Variants in CFH observed in about 807,000 individuals in gnomAD.
CFH encodes H factor 1 (complement).
A neutral mutation model predicts 147.3 loss-of-function variants in CFH; 53 were observed. The ratio of observed to expected loss-of-function variants is 0.36; its 90% CI spans 0.29 to 0.45. CFH has a LOEUF of 0.45. CFH is among the 20% of genes least tolerant of loss of function. CFH has a pLI of 1.00. For synonymous variants in CFH, 536 were observed against 489.4 expected (o/e 1.10, Z -1.26); for missense variants, 1,380 against 1,498.0 (o/e 0.92, Z 1.30).
intron 11 of CFH, among the ~76,000 whole-genome samples, chr1:196,721,724 T>C (rs1011621928): frequency 1.3e-5 from 2 of 152,010 alleles, no homozygotes; most frequent in Non-Finnish European, 2.9e-5. Context: ...ATTTCATTTA[T>C]GAATCTGAGT....
rs1170326726 is a variant in CFH, at chr1:196,688,278, T to C, written c.965-1142T>C. Reference sequence around the variant, plus strand: ...ATAAACAAGATAGCACTCAAATGTATTTGTCAAAATTAATATATAATAACT... The same window carrying C: ...ATAAACAAGATAGCACTCAAATGTACTTGTCAAAATTAATATATAATAACT... On this transcript the variant is annotated intron_variant, in intron 7 of 21. Transcript: ENST00000367429. Among the ~76,000 whole-genome samples the C allele has an allele frequency of 2.0e-5, 3 of 152,022 alleles. No homozygotes were observed. The South Asian group carries it at 6.2e-4, about 31-fold the overall frequency.
intron 1 of CFH, among the ~76,000 whole-genome samples, chr1:196,654,486 G>T (rs1159636475): frequency 6.6e-6 from 1 of 151,864 alleles, no homozygotes; most frequent in East Asian, 1.9e-4. Context: ...CTAAGAATTG[G>T]GTCAGATTTA....
chr1:196,696,933 G>T (rs1668292668), intron 9 of CFH, among the ~76,000 whole-genome samples: 2 of 152,128 alleles, frequency 1.3e-5, no homozygotes, highest in African/African-American at 4.8e-5. Context: ...AAATGGTGCT[G>T]GGAAAACAGG....
intron 1 of CFH, among the ~76,000 whole-genome samples, 175 bp from the exon 2 acceptor site, chr1:196,672,803 C>T (rs1455963498): frequency 6.6e-6 from 1 of 151,900 alleles, no homozygotes; most frequent in Non-Finnish European, 1.5e-5. Flanking sequence ...AGTTACACTA[C>T]ATGCATGAAA....
Position 196,652,103 on chromosome 1 carries a change from T to C in CFH, c.-15T>C, listed in dbSNP as rs762641040. ...CAGAGTTAGCTGGTAAATGTCCTCT[T>C]AAAAGATCCAAAAAATGAGACTTCT... is the stretch of plus-strand genomic sequence containing the variant. On this transcript the variant is annotated 5_prime_UTR_variant, in exon 1 of 22. It removes the in-frame stop codon of an upstream open reading frame in the 5' UTR. Transcript: ENST00000367429. 3.8e-6 allele frequency: 6 copies of C among 1,595,708 alleles called. No individual in the cohort carries two copies. The highest frequency in any genetic ancestry group is 3.3e-5 in the Admixed American group (2 of 59,956).
intron 6 of CFH, among the ~76,000 whole-genome samples, chr1:196,683,602 G>T (rs533457604): frequency 6.6e-6 from 1 of 151,820 alleles, no homozygotes; most frequent in African/African-American, 2.4e-5. Context: ...TAAGAGTGTG[G>T]TTGATAAGGT....
intron 9 of CFH, chr1:196,701,703 A>T (rs867521657): frequency 8.2e-6 from 2 of 242,906 alleles, no homozygotes; most frequent in Middle Eastern, 1.5e-3. Context: ...CCCCCTTTCC[A>T]CTGGGACAGA....
At position 196,679,476 on chromosome 1, in the gene CFH, T is replaced by C. The variant is rs1464684678; in HGVS notation, c.620-147T>C. On this transcript the variant is annotated intron_variant, in intron 5 of 21. Transcript: ENST00000367429. ...TTTAACTTTCTTCAGATAAATCATT[T>C]ATTAAGCGGTCAAGTCAAAACAGAA... 8.9e-6 allele frequency: 5 copies of C among 560,774 alleles called. 1 individual carries two copies. Among genetic ancestry groups the C allele is most frequent in the Non-Finnish European group, 9.6e-6 (3 of 313,376 alleles). The allele number at this position is 560,774 out of a possible 1,614,324, so 34.7% of individuals were successfully genotyped here. A position where few individuals can be genotyped will look rare whatever the true frequency, so the allele number is the denominator to read the frequency against.
chr1:196,715,463 G>A, intron 10 of CFH, 130 bp from the exon 11 acceptor site: 1 of 699,446 alleles, frequency 1.4e-6, no homozygotes, highest in Non-Finnish European at 2.5e-6. Context: ...ACCAGTCATA[G>A]ATTATTTTTG....
chr1:196,652,157 G>C lies in CFH; in HGVS notation c.40G>C (p.Ala14Pro), dbSNP rs1285086946. 4 of 1,611,804 alleles carry C rather than the reference G, an allele frequency of 2.5e-6. No individual in the cohort carries two copies. Among genetic ancestry groups the C allele is most frequent in the Non-Finnish European group, 3.4e-6 (4 of 1,178,064 alleles). ...LAKIICLMLWAICVAEDCNEL... is the reference protein window; with the variant it reads ...LAKIICLMLWPICVAEDCNEL... ...AAAGATTATTTGCCTTATGTTATGG[G>C]CTATTTGTGTAGCAGAAGGTAAGAT... The change falls in exon 1 of 22, where the codon GCT becomes CCT. Residue 14 changes from alanine to proline, a missense_variant. Coordinates refer to ENST00000367429, the MANE Select transcript of CFH (RefSeq NM_000186.4).
rs113111123 is a variant in CFH at position 196,725,016 on chromosome 1, C to T, written c.1697-105C>T. The T allele has an allele frequency of 2.1e-4, 183 of 885,260 alleles. 1 individual carries two copies. The African/African-American group carries it at 2.6e-3, about 12-fold the overall frequency. 54.8% of individuals were successfully genotyped at this position (885,260 alleles called of 1,614,324 possible). A position where few individuals can be genotyped will look rare whatever the true frequency, so the allele number is the denominator to read the frequency against. Reference sequence around the variant, plus strand: ...AGGGAAAAGGATTTATCTGATGCCCCTCTGTATGACCCAATATCAACCTCA... The same window carrying T: ...AGGGAAAAGGATTTATCTGATGCCCTTCTGTATGACCCAATATCAACCTCA... On this transcript the variant is annotated intron_variant, in intron 11 of 21. Transcript: ENST00000367429.
intron 6 of CFH, among the ~76,000 whole-genome samples, chr1:196,681,081 C>T (rs1030832297): frequency 2.0e-5 from 3 of 151,818 alleles, no homozygotes; most frequent in Non-Finnish European, 4.4e-5. Context: ...TTGGCATTAA[C>T]TTCTACCTGA....
In CFH at chr1:196,743,603, CTG is replaced by C. The variant is rs764340632; in HGVS notation, c.3286_3287del (p.Trp1096AspfsTer20). The C allele has an allele frequency of 6.2e-7, 1 of 1,613,922 alleles. No individual in the cohort carries two copies. The highest frequency in any genetic ancestry group is 1.3e-5 in the African/African-American group (1 of 74,936). Reference sequence around the variant, plus strand: ...AAGAAGTGATGTGTTTAAATGGAAACTGGACGGAACCACCTCAATGCAAAGGT... The same window carrying C: ...AAGAAGTGATGTGTTTAAATGGAAACGACGGAACCACCTCAATGCAAAGGT... Reference protein sequence around the residue: ...DEEVMCLNGNWTEPPQCKDST... With the variant: ...DEEVMCLNGNXTEPPQCKDST... On this transcript the variant is annotated frameshift_variant, in exon 20 of 22. Coordinates refer to ENST00000367429, the MANE Select transcript of CFH (RefSeq NM_000186.4). LOFTEE classifies it high-confidence loss of function.
chr1:196,737,654 T>G lies in CFH; in HGVS notation c.2776T>G (p.Cys926Gly), dbSNP rs1269713751. ...GGGAAAATGGAGTTCTCCACCTCAG[T>G]GTGAAGGTTAGGCCAATATGAATAC... ...YMGKWSSPPQ[C>G]EGLPCKSPPE... Residue 926 changes from cysteine (C) to glycine (G), a missense_variant, in exon 17 of 22, where the codon TGT becomes GGT. Cys to Gly is a radical substitution (Grantham distance 159, BLOSUM62 -3). Transcript: ENST00000367429. The G allele has an allele frequency of 1.2e-6, 2 of 1,613,022 alleles. No homozygotes were observed. Among genetic ancestry groups the G allele is most frequent in the Admixed American group, 1.7e-5 (1 of 60,004 alleles).
chr1:196,710,678 C>G (rs922398204), intron 9 of CFH, among the ~76,000 whole-genome samples: 2 of 152,128 alleles, frequency 1.3e-5, no homozygotes, highest in African/African-American at 4.8e-5. Flanking sequence ...GACACATTCA[C>G]AGATGAATCT....
intron 16 of CFH, 61 bp downstream of exon 16, chr1:196,737,067 C>G: frequency 7.2e-7 from 1 of 1,396,634 alleles, no homozygotes; most frequent in Non-Finnish European, 1.0e-6. Flanking sequence ...TTCTCTTGTG[C>G]TTCGTGTAAA....
At chr1:196,722,683 G>A (rs534062800) in intron 11 of CFH, among the ~76,000 whole-genome samples, 77 of 152,030 alleles carry the variant, frequency 5.1e-4, no homozygotes, top group Non-Finnish European at 9.7e-4. Context: ...GGTTTTTTTA[G>A]CTTTTTCTTC....
intron 8 of CFH, 108 bp downstream of exon 8, chr1:196,689,722 A>T (rs1667958880): frequency 2.4e-6 from 3 of 1,258,196 alleles, no homozygotes; most frequent in Non-Finnish European, 3.4e-6. Flanking sequence ...AATAGGGCCA[A>T]GAAAAGAGTT....
intron 15 of CFH, among the ~76,000 whole-genome samples, chr1:196,733,756 G>A (rs1052944615): frequency 6.6e-6 from 1 of 152,074 alleles, no homozygotes; most frequent in Non-Finnish European, 1.5e-5. Flanking sequence ...TGTTCTAAGA[G>A]TGATTAATGT....
Sources: allele counts gnomAD v4.1 joint callset (sites outside exome capture counted in the v4.1 genomes callset), GRCh38; gene constraint gnomAD v4.1.1; transcripts MANE v1.5; gene names NCBI Gene and HGNC (gene_info 2026-07-23, HGNC 2026-07-21).